Variants in PLD5 observed in about 807,000 individuals in gnomAD.
PLD5 encodes the protein inactive phospholipase D5.
Under a neutral mutation model 61.1 loss-of-function variants are expected in PLD5, and 36 were observed. That is an observed-to-expected ratio of 0.59 (90% CI 0.45 to 0.78). PLD5 has a LOEUF of 0.78. PLD5 is among the 30% of genes least tolerant of loss of function. The pLI is 0.00. For missense variants in PLD5, 515 were observed against 644.4 expected (o/e 0.80, Z 2.17); for synonymous variants, 243 against 242.8 (o/e 1.00, Z -0.01).
At chr1:242,482,068 T>C (rs1327932618) in intron 1 of PLD5, among the ~76,000 whole-genome samples, 1 of 152,052 alleles carries the variant, frequency 6.6e-6, no homozygotes, top group Non-Finnish European at 1.5e-5. Flanking sequence ...TATGTCACCA[T>C]CATCAAAGAC....
At chr1:242,296,327 T>G (rs1419624705) in intron 2 of PLD5, among the ~76,000 whole-genome samples, 2 of 152,252 alleles carry the variant, frequency 1.3e-5, no homozygotes, top group Admixed American at 1.3e-4. Context: ...TCTGTAGATT[T>G]CCTGTTTATG....
At chr1:242,468,877 A>C (rs1667356908) in intron 1 of PLD5, among the ~76,000 whole-genome samples, 1 of 152,180 alleles carries the variant, frequency 6.6e-6, no homozygotes, top group Admixed American at 6.5e-5. Context: ...CATGACTCAC[A>C]ACAACCCTAT....
rs1658118630 is a variant in PLD5 at position 242,317,873 on chromosome 1, C to T, written c.327-29343G>A. ...AAGGGTTGAGAGCCTGTCAGCCTGA[C>T]CAGGATGCCAGCCCTTTCAATGGGG... is the stretch of plus-strand genomic sequence containing the variant. On this transcript the variant is annotated intron_variant, in intron 2 of 9. Coordinates refer to ENST00000536534, the MANE Select transcript of PLD5 (RefSeq NM_001372062.1). Among the ~76,000 whole-genome samples, 3 of 152,122 alleles carry T rather than the reference C, an allele frequency of 2.0e-5. No homozygotes were observed. The South Asian group carries it at 6.2e-4, about 32-fold the overall frequency.
Position 242,393,654 on chromosome 1 carries a change from ATATATGTGTATATATATGAG to A in PLD5, c.190-45432_190-45413del, listed in dbSNP as rs199702623. ...TATATATATGTGTATATATATGAGTATATATGTGTATATATATGAGTATATATGTGTATATATATGAGTAT... is the reference window on the plus strand; with the variant it reads ...TATATATATGTGTATATATATGAGTATATATATGTGTATATATATGAGTAT... On this transcript the variant is annotated intron_variant, in intron 1 of 9. Coordinates refer to ENST00000536534, the MANE Select transcript of PLD5 (RefSeq NM_001372062.1). 1.6e-4 allele frequency among the ~76,000 whole-genome samples: 17 copies of A among 109,240 alleles called. 2 individuals are homozygous for A. Among genetic ancestry groups the A allele is most frequent in the African/African-American group, 3.9e-4 (11 of 27,916 alleles). The allele number at this position is 109,240 out of a possible 152,430, so 71.7% of individuals were successfully genotyped here.
chr1:242,300,718 G>A (rs1212417990), intron 2 of PLD5, among the ~76,000 whole-genome samples: 1 of 151,662 alleles, frequency 6.6e-6, no homozygotes. Flanking sequence ...CCACGAGGAT[G>A]ACCCCTGATG....
intron 2 of PLD5, among the ~76,000 whole-genome samples, chr1:242,302,954 G>A (rs1370848876): frequency 1.3e-5 from 2 of 152,112 alleles, no homozygotes; most frequent in Admixed American, 6.5e-5. Context: ...GTCTGGACAT[G>A]GGTTGGGATT....
At chr1:242,163,894 A>C (rs1666095740) in intron 5 of PLD5, among the ~76,000 whole-genome samples, 1 of 146,596 alleles carries the variant, frequency 6.8e-6, no homozygotes, top group African/African-American at 2.6e-5. Flanking sequence ...TGGGTCTCCT[A>C]AAGAGAGAGT....
intron 1 of PLD5, among the ~76,000 whole-genome samples, chr1:242,515,687 T>C (rs976044933): frequency 2.0e-5 from 3 of 152,210 alleles, no homozygotes; most frequent in Non-Finnish European, 4.4e-5. Context: ...TACAATACAT[T>C]GTCCATTCAA....
At chr1:242,210,557 A>G (rs12121744) in intron 5 of PLD5, 75,121 of 150,486 alleles carry the variant, frequency 0.5, 20,150 homozygotes, top group East Asian at 0.75. Context: ...ACATTACACC[A>G]CAAAAGAAGT....
chr1:242,374,317 T>C (rs1400954013), intron 1 of PLD5, among the ~76,000 whole-genome samples: 1 of 152,210 alleles, frequency 6.6e-6, no homozygotes, highest in African/African-American at 2.4e-5. Flanking sequence ...ATATGCGTTC[T>C]TCCTCTTTCC....
In PLD5 at chr1:242,491,011, T is replaced by A. The variant is rs527366988; in HGVS notation, c.189+33077A>T. On this transcript the variant is annotated intron_variant, in intron 1 of 9. Transcript: ENST00000536534. Reference sequence around the variant, plus strand: ...CACATATACCTTTGGGACATGACAGTCTCCTCCTTTCAGACACATTTTATT... The same window carrying A: ...CACATATACCTTTGGGACATGACAGACTCCTCCTTTCAGACACATTTTATT... Among the ~76,000 whole-genome samples, 4 of 152,314 alleles carry A rather than the reference T, an allele frequency of 2.6e-5. No homozygotes were observed. In the South Asian group the frequency reaches 8.3e-4, roughly 32 times the overall value.
chr1:242,223,399 C>G (rs1447509879), intron 4 of PLD5, among the ~76,000 whole-genome samples: 4 of 152,162 alleles, frequency 2.6e-5, no homozygotes, highest in African/African-American at 9.7e-5. Context: ...GAAGGGGCAC[C>G]AAAGAGCTGA....
chr1:242,508,626 T>G (rs1186166584), intron 1 of PLD5, among the ~76,000 whole-genome samples: 1 of 152,212 alleles, frequency 6.6e-6, no homozygotes, highest in Non-Finnish European at 1.5e-5. Flanking sequence ...TGAATATGTT[T>G]TCCTCAACGC....
chr1:242,145,476 G>A (rs2148802460), intron 5 of PLD5, among the ~76,000 whole-genome samples: 1 of 152,112 alleles, frequency 6.6e-6, no homozygotes, highest in Non-Finnish European at 1.5e-5. Context: ...GAAATCCCAG[G>A]GAACACCATT....
chr1:242,306,509 G>A (rs1676355638), intron 2 of PLD5, among the ~76,000 whole-genome samples: 1 of 149,858 alleles, frequency 6.7e-6, no homozygotes, highest in Non-Finnish European at 1.5e-5. Flanking sequence ...AAACTGTTCT[G>A]GAAGCAAGAA....
chr1:242,106,246 T>C (rs1661046562), intron 8 of PLD5, among the ~76,000 whole-genome samples: 1 of 152,198 alleles, frequency 6.6e-6, no homozygotes, highest in African/African-American at 2.4e-5. Flanking sequence ...GGTGGGGAAT[T>C]GTTACGGTTT....
intron 1 of PLD5, among the ~76,000 whole-genome samples, chr1:242,518,261 G>A (rs1409514106): frequency 6.6e-6 from 1 of 152,060 alleles, no homozygotes. Context: ...ATTTAAACAT[G>A]CTTTTTTGGT....
intron 1 of PLD5, among the ~76,000 whole-genome samples, chr1:242,482,470 C>G (rs1031195717): frequency 4.6e-5 from 7 of 151,786 alleles, no homozygotes; most frequent in African/African-American, 1.2e-4. Flanking sequence ...GATGGAAGAT[C>G]AAATGAATGA....
chr1:242,302,199 C>T (rs1231267045), intron 2 of PLD5, among the ~76,000 whole-genome samples: 1 of 152,194 alleles, frequency 6.6e-6, no homozygotes, highest in Non-Finnish European at 1.5e-5. Flanking sequence ...CCAGGAGCAA[C>T]AGTCTCTATC....
Sources: allele counts gnomAD v4.1 joint callset (sites outside exome capture counted in the v4.1 genomes callset), GRCh38; gene constraint gnomAD v4.1.1; transcripts MANE v1.5; gene names NCBI Gene and HGNC (gene_info 2026-07-23, HGNC 2026-07-21).